Variants in USP25 observed in about 807,000 individuals in gnomAD.
The protein encoded by USP25 is ubiquitin carboxyl-terminal hydrolase 25.
USP25 carries 85 observed loss-of-function variants against 158.5 expected under a neutral mutation model. That is an observed-to-expected ratio of 0.54 (90% CI 0.45 to 0.64). The LOEUF is 0.64. USP25 is among the 30% of genes least tolerant of loss of function. The pLI, the probability that USP25 is intolerant of heterozygous loss-of-function variation, is 0.00. For synonymous variants in USP25, 464 were observed against 460.4 expected, an observed-to-expected ratio of 1.01 and a Z score of -0.10; for missense variants, 1,242 against 1,327.3, an observed-to-expected ratio of 0.94 and a Z score of 1.00.
At position 15,811,118 on chromosome 21, in the gene USP25, ATTT is replaced by A; in HGVS notation, c.858-15_858-13del. Reference sequence around the variant, plus strand: ...GTCCGAAAATTGTAATCACATTTATATTTTTTAACATACTTTAGGGATGAAGAG... The same window carrying A: ...GTCCGAAAATTGTAATCACATTTATATTTAACATACTTTAGGGATGAAGAG... On this transcript the variant is annotated splice_polypyrimidine_tract_variant and intron_variant, in intron 8 of 25. Transcript: ENST00000400183. 6.3e-6 allele frequency: 10 copies of A among 1,595,008 alleles called. No homozygotes were observed. Among genetic ancestry groups the A allele is most frequent in the Non-Finnish European group, 8.5e-6 (10 of 1,173,152 alleles).
intron 3 of USP25, among the ~76,000 whole-genome samples, chr21:15,776,525 A>G (rs1015280022): frequency 6.6e-6 from 1 of 151,832 alleles, no homozygotes; most frequent in Non-Finnish European, 1.5e-5. Flanking sequence ...AAAACCTTAT[A>G]GCCATATGGT....
At chr21:15,845,266 T>C (rs2038525558) in intron 18 of USP25, among the ~76,000 whole-genome samples, 2 of 152,176 alleles carry the variant, frequency 1.3e-5, no homozygotes, top group Admixed American at 6.5e-5. Flanking sequence ...CTTCGTATTT[T>C]AATTATTTTT....
chr21:15,794,704 G>A (rs192453097), intron 5 of USP25, among the ~76,000 whole-genome samples: 4 of 151,632 alleles, frequency 2.6e-5, no homozygotes, highest in Admixed American at 2.0e-4. Context: ...GCCCTGCTGT[G>A]TATGATGGTA....
rs532927157 is a variant in USP25 at position 15,874,635 on chromosome 21, A to G, written c.3009+109A>G. ...CCATAAACTCTGAGGGGATAAGAAC[A>G]TGATGATGTCTATAAACTGGTTCTA... On this transcript the variant is annotated intron_variant, in intron 24 of 25. Transcript: ENST00000400183. The G allele has an allele frequency of 2.7e-6, 3 of 1,128,680 alleles. No individual in the cohort carries two copies. In the South Asian group the frequency reaches 5.9e-5, roughly 22 times the overall value. 69.9% of individuals were successfully genotyped at this position (1,128,680 alleles called of 1,614,324 possible). A position where few individuals can be genotyped will look rare whatever the true frequency, so the allele number is the denominator to read the frequency against.
intron 1 of USP25, among the ~76,000 whole-genome samples, chr21:15,733,802 A>G (rs991136167): frequency 7.2e-5 from 11 of 152,146 alleles, no homozygotes; most frequent in African/African-American, 2.7e-4. Context: ...AGATCGCGCC[A>G]TTGCACTCCA....
At chr21:15,845,804 G>A (rs905882641) in intron 18 of USP25, among the ~76,000 whole-genome samples, 1 of 151,974 alleles carries the variant, frequency 6.6e-6, no homozygotes, top group Non-Finnish European at 1.5e-5. Context: ...AGCACAGTTC[G>A]TCTCTTATAT....
intron 5 of USP25, among the ~76,000 whole-genome samples, chr21:15,793,225 AAAGT>A (rs1262806107): frequency 1.3e-5 from 2 of 151,662 alleles, no homozygotes; most frequent in Non-Finnish European, 3.0e-5. Context: ...AAGAAGAAAG[AAAGT>A]ATTTGTAAAT....
intron 1 of USP25, 117 bp from the exon 2 acceptor site, chr21:15,762,774 T>G (rs1417346807): frequency 1.2e-6 from 1 of 850,678 alleles, no homozygotes; most frequent in Non-Finnish European, 1.8e-6. Context: ...TTTTTTACTC[T>G]AGTTTACTTT....
At chr21:15,737,384 A>G (rs2123183302) in intron 1 of USP25, among the ~76,000 whole-genome samples, 1 of 152,138 alleles carries the variant, frequency 6.6e-6, no homozygotes, top group African/African-American at 2.4e-5. Flanking sequence ...TCCTGCAAAT[A>G]TATTTTCATT....
intron 5 of USP25, among the ~76,000 whole-genome samples, chr21:15,796,135 A>G (rs1319954645): frequency 1.3e-5 from 2 of 151,588 alleles, no homozygotes; most frequent in South Asian, 2.1e-4. Context: ...GCATTAATCA[A>G]AAACACTCTT....
intron 1 of USP25, among the ~76,000 whole-genome samples, chr21:15,736,658 G>A (rs953468097): frequency 1.3e-5 from 2 of 149,906 alleles, no homozygotes; most frequent in Admixed American, 1.3e-4. Flanking sequence ...AACATTAATA[G>A]CTTTTTTCGG....
At chr21:15,742,730 T>C (rs1160550849) in intron 1 of USP25, among the ~76,000 whole-genome samples, 5 of 152,204 alleles carry the variant, frequency 3.3e-5, no homozygotes, top group African/African-American at 1.2e-4. Flanking sequence ...ATTTTATCGG[T>C]GCCACTTCAC....
At chr21:15,783,998 A>G (rs2035128947) in intron 4 of USP25, among the ~76,000 whole-genome samples, 3 of 152,098 alleles carry the variant, frequency 2.0e-5, no homozygotes, top group African/African-American at 7.2e-5. Context: ...AAAAAGAAAT[A>G]GAGACGTTTC....
At chr21:15,756,962 A>G (rs1032908683) in intron 1 of USP25, among the ~76,000 whole-genome samples, 1 of 152,158 alleles carries the variant, frequency 6.6e-6, no homozygotes. Context: ...ACCACCTTGG[A>G]TTTGGAATTG....
rs1382122467 is a variant in USP25 at position 15,879,182 on chromosome 21, T to C, written c.*707T>C. On this transcript the variant is annotated 3_prime_UTR_variant, in exon 26 of 26. Transcript: ENST00000400183. ...GTGGTTGATTTTTTTTAAGTCAAAC[T>C]ACACTGAAACTTTTATCCTTTTCTT... The C allele has an allele frequency of 1.3e-5, 2 of 152,564 alleles. No homozygotes were observed. Among genetic ancestry groups the C allele is most frequent in the East Asian group, 3.9e-4 (2 of 5,190 alleles). The allele number at this position is 152,564 out of a possible 1,614,324, so 9.5% of individuals were successfully genotyped here. A position where few individuals can be genotyped will look rare whatever the true frequency, so the allele number is the denominator to read the frequency against.
At chr21:15,771,487 C>A (rs1169969037) in intron 3 of USP25, among the ~76,000 whole-genome samples, 1 of 152,058 alleles carries the variant, frequency 6.6e-6, no homozygotes, top group Non-Finnish European at 1.5e-5. Flanking sequence ...GCGTCCCAGA[C>A]CAGGGCCTGA....
chr21:15,810,349 C>G (rs1184926178), intron 8 of USP25, among the ~76,000 whole-genome samples: 1 of 152,094 alleles, frequency 6.6e-6, no homozygotes, highest in Non-Finnish European at 1.5e-5. Context: ...TTAAACAATA[C>G]TTCACAAATC....
At chr21:15,853,753 G>A (rs1385069409) in intron 20 of USP25, among the ~76,000 whole-genome samples, 1 of 151,968 alleles carries the variant, frequency 6.6e-6, no homozygotes, top group South Asian at 2.1e-4. Context: ...TTTGCAATTA[G>A]GGTTATGTTA....
At chr21:15,846,140 ATATATATATATATATATAT>A (rs1370757081) in intron 18 of USP25, among the ~76,000 whole-genome samples, 56 of 52,930 alleles carry the variant, frequency 1.1e-3, no homozygotes, top group African/African-American at 5.9e-3. Flanking sequence ...ATATATATAT[ATATATATATATATATATAT>A]TTTTTTTTTT....
Sources: gnomAD v4.1 joint callset for allele counts (sites outside exome capture counted in the v4.1 genomes callset) on GRCh38, gnomAD v4.1.1 for gene constraint, MANE v1.5 for transcripts, NCBI Gene and HGNC (gene_info 2026-07-23, HGNC 2026-07-21) for gene names.